Variants in STAG2 observed in about 807,000 individuals in gnomAD.
STAG2 encodes the protein STAG2 cohesin complex component.
In STAG2, 14 loss-of-function variants were observed where a neutral mutation model predicts 108.1. The ratio of observed to expected loss-of-function variants is 0.13; its 90% confidence interval spans 0.09 to 0.20. The LOEUF is 0.20. Among genes scored for constraint, STAG2 ranks in the 10% least tolerant of loss-of-function variants. The probability of loss-of-function intolerance (pLI) is 1.00; values close to 1 mark genes in which losing one functional copy is unlikely to be tolerated. For missense variants in STAG2, 440 were observed against 940.9 expected (o/e 0.47, Z 6.96); for synonymous variants, 307 against 302.7 (o/e 1.01, Z -0.15).
intron 1 of STAG2, among the ~76,000 whole-genome samples, chrX:123,985,255 G>T (rs982901146): frequency 9.0e-6 from 1 of 110,514 alleles, no homozygotes; most frequent in Non-Finnish European, 1.9e-5. Context: ...TTTGAAACAA[G>T]GTCTCACTTT....
intron 25 of STAG2, among the ~76,000 whole-genome samples, chrX:124,075,868 C>CT (rs1244092841): frequency 9.0e-6 from 1 of 111,399 alleles, no homozygotes; most frequent in Middle Eastern, 4.6e-3. Context: ...AGAATGGTTT[C>CT]TGGGGCCTGT....
At chrX:124,020,360 G>A (rs1182575416) in intron 1 of STAG2, among the ~76,000 whole-genome samples, 2 of 112,065 alleles carry the variant, frequency 1.8e-5, no homozygotes, top group Admixed American at 1.9e-4. Flanking sequence ...AGGATCACAT[G>A]ACCTTTTTTA....
intron 1 of STAG2, among the ~76,000 whole-genome samples, chrX:124,008,907 T>G (rs1572256): frequency 0.48 from 52,756 of 109,365 alleles, 10,484 homozygotes; most frequent in Non-Finnish European, 0.61. Flanking sequence ...TTGAAAGAGT[T>G]TTCTAATTGA....
intron 13 of STAG2, among the ~76,000 whole-genome samples, chrX:124,053,934 T>C (rs1165689478): frequency 2.7e-5 from 3 of 112,446 alleles, no homozygotes; most frequent in Non-Finnish European, 5.6e-5. Context: ...CAGAAAAGTA[T>C]GAATTTAAAC....
At chrX:124,007,814 G>A (rs904170270) in intron 1 of STAG2, among the ~76,000 whole-genome samples, 7 of 112,215 alleles carry the variant, frequency 6.2e-5, no homozygotes, top group African/African-American at 2.3e-4. Context: ...GACTTTCAGA[G>A]TTGTGTTAAT....
chrX:123,993,062 A>G (rs2055556745), intron 1 of STAG2, among the ~76,000 whole-genome samples: 1 of 111,840 alleles, frequency 8.9e-6, no homozygotes, highest in Non-Finnish European at 1.9e-5. Flanking sequence ...ATAAGTGCCT[A>G]AAAATGATAC....
intron 1 of STAG2, among the ~76,000 whole-genome samples, chrX:124,008,673 A>T (rs1328209143): frequency 1.8e-5 from 2 of 111,988 alleles, no homozygotes; most frequent in Non-Finnish European, 1.9e-5. Context: ...TAATCAGGAT[A>T]GCTAAGCACA....
upstream of STAG2, chrX:123,961,270 C>A (rs2053837395): frequency 9.4e-6 from 1 of 105,903 alleles, no homozygotes; most frequent in Non-Finnish European, 1.9e-5. Context: ...CCTTCCCTCG[C>A]CCAACTCTCC....
At chrX:124,028,809 T>A (rs1214432698) in intron 4 of STAG2, among the ~76,000 whole-genome samples, 1 of 87,960 alleles carries the variant, frequency 1.1e-5, no homozygotes, top group Admixed American at 1.3e-4. Flanking sequence ...TATATATATA[T>A]ATATATATAT....
chrX:123,964,001 GA>G (rs1372696946), intron 1 of STAG2, among the ~76,000 whole-genome samples: 1 of 111,646 alleles, frequency 9.0e-6, no homozygotes, highest in African/African-American at 3.3e-5. Flanking sequence ...GTGTGAAGCA[GA>G]AGTGGCCTTG....
At chrX:124,010,508 T>C (rs2056486930) in intron 1 of STAG2, among the ~76,000 whole-genome samples, 2 of 111,734 alleles carry the variant, frequency 1.8e-5, no homozygotes, top group Admixed American at 9.6e-5. Context: ...TACTACATTT[T>C]GTTTATCCAT....
At chrX:124,093,472 CT>C (rs56165276) in intron 32 of STAG2, among the ~76,000 whole-genome samples, 14,686 of 82,218 alleles carry the variant, frequency 0.18, 1,135 homozygotes, top group South Asian at 0.34. Context: ...TCTTATTCAT[CT>C]TTTTTTTTTT....
intron 1 of STAG2, among the ~76,000 whole-genome samples, chrX:123,998,580 GTCTA>G (rs1295222143): frequency 2.6e-5 from 2 of 78,267 alleles, no homozygotes; most frequent in East Asian, 8.1e-4. Context: ...TTTTTTGTCT[GTCTA>G]TCCATCTATC....
At chrX:124,019,545 G>A (rs2086273609) in intron 1 of STAG2, among the ~76,000 whole-genome samples, 1 of 111,668 alleles carries the variant, frequency 9.0e-6, no homozygotes, top group Admixed American at 9.6e-5. Context: ...TCAACATTTA[G>A]AGACTTTAAA....
At chrX:123,987,391 G>A (rs902697828) in intron 1 of STAG2, among the ~76,000 whole-genome samples, 13 of 110,948 alleles carry the variant, frequency 1.2e-4, no homozygotes, top group African/African-American at 3.9e-4. Context: ...TGGGACTACA[G>A]GCATGCACCA....
At chrX:124,034,886 T>TATC (rs1445982427) in intron 5 of STAG2, among the ~76,000 whole-genome samples, 1 of 107,040 alleles carries the variant, frequency 9.3e-6, no homozygotes, top group Non-Finnish European at 1.9e-5. Flanking sequence ...TTGTTATTAT[T>TATC]ATTATTATTA....
At chrX:124,056,357 A>T in intron 14 of STAG2, 122 bp downstream of exon 14, 1 of 329,215 alleles carries the variant, frequency 3.0e-6, no homozygotes, top group Non-Finnish European at 4.9e-6. Context: ...TACAGATCAT[A>T]TCGAAGCTTT....
At chrX:124,078,698 G>A (rs2058864945) in intron 27 of STAG2, among the ~76,000 whole-genome samples, 1 of 111,188 alleles carries the variant, frequency 9.0e-6, no homozygotes, top group Admixed American at 9.6e-5. Flanking sequence ...GCCAGGCACA[G>A]TGGCTCATTC....
At chrX:124,020,917 C>T (rs1008379730) in intron 1 of STAG2, among the ~76,000 whole-genome samples, 17 of 111,729 alleles carry the variant, frequency 1.5e-4, no homozygotes, top group Non-Finnish European at 2.3e-4. Flanking sequence ...AGTGACCTGC[C>T]CGCCTTGGCC....
Sources: gnomAD v4.1 joint callset for allele counts (sites outside exome capture counted in the v4.1 genomes callset) on GRCh38, gnomAD v4.1.1 for gene constraint, MANE v1.5 for transcripts, NCBI Gene and HGNC (gene_info 2026-07-23, HGNC 2026-07-21) for gene names.